HCN1: variants seen among roughly 807,000 people sequenced by gnomAD.
The protein encoded by HCN1 is hyperpolarization activated cyclic nucleotide gated potassium channel 1.
A neutral mutation model predicts 78.9 loss-of-function variants in HCN1; 13 were observed. The observed-to-expected ratio is 0.16, with a 90% CI of 0.11 to 0.26. The LOEUF is 0.26. HCN1 is among the 10% of genes least tolerant of loss of function. The pLI, the probability that HCN1 is intolerant of heterozygous loss-of-function variation, is 1.00. For synonymous variants in HCN1, 552 were observed against 455.5 expected, an observed-to-expected ratio of 1.21 and a Z score of -2.70; for missense variants, 810 against 1,154.3, an observed-to-expected ratio of 0.70 and a Z score of 4.32.
intron 2 of HCN1, among the ~76,000 whole-genome samples, chr5:45,468,562 TA>T (rs1741327606): frequency 6.6e-6 from 1 of 152,226 alleles, no homozygotes; most frequent in South Asian, 2.1e-4. Flanking sequence ...TGCTATGTGA[TA>T]TACCATCCAT....
At chr5:45,610,516 T>C (rs1744811987) in intron 2 of HCN1, among the ~76,000 whole-genome samples, 1 of 149,904 alleles carries the variant, frequency 6.7e-6, no homozygotes, top group South Asian at 2.1e-4. Flanking sequence ...ATATAGAATA[T>C]CATATATAAT....
intron 2 of HCN1, among the ~76,000 whole-genome samples, chr5:45,585,413 CT>C (rs1744192008): frequency 6.6e-6 from 1 of 152,154 alleles, no homozygotes; most frequent in African/African-American, 2.4e-5. Context: ...ATTGATTATT[CT>C]AGTTAGCCAT....
intron 2 of HCN1, among the ~76,000 whole-genome samples, chr5:45,482,242 T>C (rs1298589622): frequency 1.3e-5 from 2 of 152,164 alleles, no homozygotes; most frequent in African/African-American, 4.8e-5. Context: ...AATTAGAAGG[T>C]AGGCAGGTTC....
intron 2 of HCN1, among the ~76,000 whole-genome samples, chr5:45,464,881 G>C (rs1741236465): frequency 1.3e-5 from 2 of 152,034 alleles, no homozygotes; most frequent in Admixed American, 1.3e-4. Context: ...TAGATAGTCA[G>C]GTTAACCAAA....
chr5:45,303,696 G>A lies in HCN1; in HGVS notation c.1521C>T (p.Ala507=), dbSNP rs55642950. The change falls in exon 6 of 8, where the codon GCC becomes GCT. Residue 507 remains alanine (A), a synonymous_variant. Transcript: ENST00000303230. ...QPGDYIIREG[A]VGKKMYFIQH... is the part of the protein sequence containing the mutation. Reference sequence around the variant, plus strand: ...GAATGAAATACATTTTTTTACCCACGGCTCCTTCTCGTATGATATAATCTC... The same window carrying A: ...GAATGAAATACATTTTTTTACCCACAGCTCCTTCTCGTATGATATAATCTC... The A allele has an allele frequency of 1.2e-4, 192 of 1,613,246 alleles. No homozygotes were observed. The highest frequency in any genetic ancestry group is 4.9e-4 in the Middle Eastern group (3 of 6,074).
At chr5:45,319,185 A>C (rs1238121653) in intron 5 of HCN1, among the ~76,000 whole-genome samples, 2 of 151,984 alleles carry the variant, frequency 1.3e-5, no homozygotes, top group Non-Finnish European at 2.9e-5. Context: ...GAAGCATCTT[A>C]TGCACTGATT....
At chr5:45,323,871 T>C (rs1390469651) in intron 5 of HCN1, among the ~76,000 whole-genome samples, 1 of 151,984 alleles carries the variant, frequency 6.6e-6, no homozygotes, top group Non-Finnish European at 1.5e-5. Context: ...TTCATCCATG[T>C]CCCTACAAAG....
rs145237345 is a variant in HCN1, at chr5:45,538,008, T to C, written c.850-76001A>G. ...GATTTAACAGTCCTAGTAGAGATTA[T>C]ACTCTCCTTCTGTGCAATAACAGTT... On this transcript the variant is annotated intron_variant, in intron 2 of 7. Coordinates refer to ENST00000303230, the MANE Select transcript of HCN1 (RefSeq NM_021072.4). 5.6e-3 allele frequency among the ~76,000 whole-genome samples: 810 copies of C among 145,278 alleles called. 7 individuals are homozygous for C. Among genetic ancestry groups the C allele is most frequent in the African/African-American group, 0.018 (728 of 39,440 alleles).
intron 4 of HCN1, among the ~76,000 whole-genome samples, chr5:45,376,015 C>A: frequency 1.8e-5 from 2 of 110,604 alleles, no homozygotes; most frequent in Admixed American, 1.2e-4. Flanking sequence ...AATATTTTAT[C>A]ATATACAATC....
intron 6 of HCN1, among the ~76,000 whole-genome samples, chr5:45,290,811 T>C (rs1745357791): frequency 6.6e-6 from 1 of 151,856 alleles, no homozygotes; most frequent in African/African-American, 2.4e-5. Flanking sequence ...ATCTTTTATA[T>C]AAATGCTGCA....
chr5:45,617,811 C>T (rs1744982775), intron 2 of HCN1, among the ~76,000 whole-genome samples: 1 of 133,912 alleles, frequency 7.5e-6, no homozygotes, highest in African/African-American at 2.5e-5. Flanking sequence ...TCAACATCTT[C>T]CTAGCAGCAA....
chr5:45,324,082 G>A (rs1478382594), intron 5 of HCN1, among the ~76,000 whole-genome samples: 3 of 139,950 alleles, frequency 2.1e-5, no homozygotes, highest in African/African-American at 6.0e-5. Context: ...ACCCAGTAAT[G>A]GGATGGCTGG....
chr5:45,353,275 A>G (rs1746948570), intron 4 of HCN1, 29 bp from the exon 5 acceptor site: 6 of 1,519,306 alleles, frequency 3.9e-6, no homozygotes, highest in Admixed American at 1.7e-5. Context: ...AAAATTAAAA[A>G]AAAACATTGT....
intron 2 of HCN1, among the ~76,000 whole-genome samples, chr5:45,546,370 G>A (rs1415545905): frequency 6.6e-6 from 1 of 151,588 alleles, no homozygotes; most frequent in Admixed American, 6.6e-5. Flanking sequence ...TTGCCTTGAT[G>A]TTTAAATGTT....
chr5:45,599,203 T>G (rs1452135899), intron 2 of HCN1, among the ~76,000 whole-genome samples: 1 of 152,142 alleles, frequency 6.6e-6, no homozygotes, highest in Admixed American at 6.6e-5. Flanking sequence ...ATGTGGCATG[T>G]GTACACCATG....
chr5:45,374,033 T>G (rs1447959616), intron 4 of HCN1, among the ~76,000 whole-genome samples: 1 of 95,422 alleles, frequency 1.0e-5, no homozygotes, highest in Admixed American at 1.4e-4. Flanking sequence ...ATATATTATA[T>G]ACATAATATA....
In HCN1 at chr5:45,539,919, G is replaced by GATAT. The variant is rs66934051; in HGVS notation, c.850-77916_850-77913dup. Among the ~76,000 whole-genome samples, 572 of 125,962 alleles carry GATAT rather than the reference G, an allele frequency of 4.5e-3. 7 individuals carry two copies. Among genetic ancestry groups the GATAT allele is most frequent in the African/African-American group, 0.017 (513 of 29,850 alleles). The allele number at this position is 125,962 out of a possible 152,430, so 82.6% of individuals were successfully genotyped here. ...GAAATCCCATTGTTTTAAATTGTGA[G>GATAT]ATATATATATATATATATATATATA... On this transcript the variant is annotated intron_variant, in intron 2 of 7. Transcript: ENST00000303230.
At chr5:45,468,060 T>G (rs915522130) in intron 2 of HCN1, among the ~76,000 whole-genome samples, 1 of 152,118 alleles carries the variant, frequency 6.6e-6, no homozygotes, top group Non-Finnish European at 1.5e-5. Flanking sequence ...GAAGGACAGA[T>G]GTTTCATAGC....
rs78276402 is a variant in HCN1 at position 45,398,707 on chromosome 5, T to G, written c.1012-1997A>C. 1.8e-3 allele frequency among the ~76,000 whole-genome samples: 273 copies of G among 152,344 alleles called. 5 individuals carry two copies. In the East Asian group the frequency reaches 0.02, roughly 11 times the overall value. On this transcript the variant is annotated intron_variant, in intron 3 of 7. Transcript: ENST00000303230. ...TTAAAATGCCTGTTTATATATTGTA[T>G]TGCTATATTTTTAGTTACAAAGAAA...
Sources: allele counts gnomAD v4.1 joint callset (sites outside exome capture counted in the v4.1 genomes callset), GRCh38; gene constraint gnomAD v4.1.1; transcripts MANE v1.5; gene names NCBI Gene and HGNC (gene_info 2026-07-23, HGNC 2026-07-21).